PRUNE2: variants seen among roughly 807,000 people sequenced by gnomAD.
PRUNE2 encodes the protein protein prune homolog 2.
PRUNE2 carries 164 observed loss-of-function variants against 252.0 expected under a neutral mutation model. That is an observed-to-expected ratio of 0.65 (90% CI 0.57 to 0.74). The LOEUF (loss-of-function observed/expected upper bound fraction) is 0.74. Ranked by LOEUF, PRUNE2 falls within the 30% of genes least tolerant of loss-of-function variation. PRUNE2 has a pLI of 0.00. For missense variants in PRUNE2, 3,495 were observed against 3,711.0 expected, an observed-to-expected ratio of 0.94 and a Z score of 1.51; for synonymous variants, 1,292 against 1,350.2, an observed-to-expected ratio of 0.96 and a Z score of 0.94.
chr9:76,756,648 TC>T (rs1197272912), intron 6 of PRUNE2, among the ~76,000 whole-genome samples: 1 of 152,226 alleles, frequency 6.6e-6, no homozygotes, highest in African/African-American at 2.4e-5. Flanking sequence ...CCAGGAGGAT[TC>T]CCTGAGTCTG....
At position 76,642,007 on chromosome 9, in the gene PRUNE2, AAAAAAAAAAAG is replaced by A. The variant is rs781533902; in HGVS notation, c.8728+2721_8728+2731del. Reference sequence around the variant, plus strand: ...TATAATGAAATAAGAGAAGTAAAAAAAAAAAAAAAAGAAAAGAAAAAGAAAAGAAACTCCTT... The same window carrying A: ...TATAATGAAATAAGAGAAGTAAAAAAAAAAGAAAAAGAAAAGAAACTCCTT... On this transcript the variant is annotated intron_variant, in intron 12 of 18. Transcript: ENST00000376718. 6.4e-5 allele frequency: 88 copies of A among 1,380,140 alleles called. No homozygotes were observed. The African/African-American group carries it at 1.2e-3, about 19-fold the overall frequency. 85.5% of individuals were successfully genotyped at this position (1,380,140 alleles called of 1,614,324 possible).
chr9:76,792,115 A>T (rs1329331463), intron 6 of PRUNE2, among the ~76,000 whole-genome samples: 1 of 152,044 alleles, frequency 6.6e-6, no homozygotes, highest in Non-Finnish European at 1.5e-5. Flanking sequence ...CCCAAATCTC[A>T]TTTTGAATTA....
At chr9:76,730,064 T>A (rs1346041) in intron 6 of PRUNE2, among the ~76,000 whole-genome samples, 5,779 of 152,302 alleles carry the variant, frequency 0.038, 334 homozygotes, top group African/African-American at 0.13. Context: ...TTTCATCAGT[T>A]TATTCAAGAT....
chr9:76,813,857 C>T (rs1049508752), intron 6 of PRUNE2, among the ~76,000 whole-genome samples: 2 of 152,170 alleles, frequency 1.3e-5, no homozygotes, highest in African/African-American at 4.8e-5. Context: ...CTCTCTGTCA[C>T]CCAGGCTGGA....
At chr9:76,893,467 G>A (rs1468823345) in intron 1 of PRUNE2, among the ~76,000 whole-genome samples, 1 of 152,218 alleles carries the variant, frequency 6.6e-6, no homozygotes, top group Non-Finnish European at 1.5e-5. Flanking sequence ...TGTACCCAGG[G>A]TGACATGGTG....
At chr9:76,888,069 A>G (rs1348624040) in intron 1 of PRUNE2, among the ~76,000 whole-genome samples, 1 of 152,228 alleles carries the variant, frequency 6.6e-6, no homozygotes, top group East Asian at 1.9e-4. Context: ...GCATGAACCA[A>G]AAACACATCA....
chr9:76,771,279 C>T (rs514673), intron 6 of PRUNE2, among the ~76,000 whole-genome samples: 72,456 of 151,964 alleles, frequency 0.48, 17,683 homozygotes, highest in East Asian at 0.67. Context: ...CTATATCCCT[C>T]AATGGTCATC....
At chr9:76,693,385 A>C (rs958681931) in intron 9 of PRUNE2, among the ~76,000 whole-genome samples, 5 of 150,946 alleles carry the variant, frequency 3.3e-5, no homozygotes, top group Non-Finnish European at 7.4e-5. Flanking sequence ...GGGAAAGTGA[A>C]TTACTCAGCA....
At chr9:76,774,320 T>G (rs929909183) in intron 6 of PRUNE2, among the ~76,000 whole-genome samples, 28 of 152,014 alleles carry the variant, frequency 1.8e-4, no homozygotes, top group African/African-American at 5.3e-4. Context: ...TATTTTTTTG[T>G]AAAGATGGGG....
intron 12 of PRUNE2, among the ~76,000 whole-genome samples, chr9:76,639,398 G>A (rs1021544520): frequency 2.0e-5 from 3 of 152,186 alleles, no homozygotes; most frequent in African/African-American, 7.2e-5. Context: ...GGCTGAGGCA[G>A]GAGAATTGCT....
chr9:76,829,704 C>A (rs1429427342), intron 4 of PRUNE2, among the ~76,000 whole-genome samples: 3 of 151,840 alleles, frequency 2.0e-5, no homozygotes, highest in Non-Finnish European at 4.4e-5. Flanking sequence ...TTCCTGAGGA[C>A]CGAAATCCTG....
chr9:76,902,542 G>A (rs544731225), intron 1 of PRUNE2, among the ~76,000 whole-genome samples: 1 of 152,140 alleles, frequency 6.6e-6, no homozygotes, highest in Non-Finnish European at 1.5e-5. Flanking sequence ...CTTTGATTAC[G>A]ATCTCAAGCT....
intron 6 of PRUNE2, among the ~76,000 whole-genome samples, chr9:76,774,456 T>TTATTTATTTATTTATTTA (rs1554761633): frequency 5.2e-5 from 7 of 133,812 alleles, no homozygotes; most frequent in Non-Finnish European, 9.9e-5. Context: ...AACCCTTTTT[T>TTATTTATTTATTTATTTA]TTTTTTTTTT....
chr9:76,812,487 T>C (rs1239039884), intron 6 of PRUNE2, among the ~76,000 whole-genome samples: 1 of 152,168 alleles, frequency 6.6e-6, no homozygotes, highest in Non-Finnish European at 1.5e-5. Flanking sequence ...TTCTTGATTG[T>C]TAAATAAATC....
chr9:76,835,684 A>G (rs1589474908), intron 4 of PRUNE2, among the ~76,000 whole-genome samples: 1 of 152,264 alleles, frequency 6.6e-6, no homozygotes, highest in East Asian at 1.9e-4. Context: ...AGGCAATGTA[A>G]TTCCCTCTGG....
intron 9 of PRUNE2, among the ~76,000 whole-genome samples, chr9:76,694,732 T>C (rs1273144339): frequency 6.6e-6 from 1 of 151,120 alleles, no homozygotes; most frequent in Non-Finnish European, 1.5e-5. Context: ...GGAAATGCAT[T>C]ATTTTATTCA....
chr9:76,809,733 T>G (rs888057397), intron 6 of PRUNE2, among the ~76,000 whole-genome samples: 1 of 152,144 alleles, frequency 6.6e-6, no homozygotes, highest in Non-Finnish European at 1.5e-5. Context: ...ATGACCACTA[T>G]GCAATCTATG....
intron 11 of PRUNE2, 74 bp from the exon 12 acceptor site, chr9:76,644,983 A>T: frequency 7.3e-7 from 1 of 1,377,666 alleles, no homozygotes; most frequent in South Asian, 1.3e-5. Context: ...CCAAATGGTA[A>T]GCTTTACAAT....
chr9:76,778,924 C>T (rs889795287), intron 6 of PRUNE2: 1 of 152,214 alleles, frequency 6.6e-6, no homozygotes, highest in Non-Finnish European at 1.5e-5. Flanking sequence ...AAAGGAATCT[C>T]TGGTCCTGGG....
Sources: gnomAD v4.1 joint callset for allele counts (sites outside exome capture counted in the v4.1 genomes callset) on GRCh38, gnomAD v4.1.1 for gene constraint, MANE v1.5 for transcripts, NCBI Gene and HGNC (gene_info 2026-07-23, HGNC 2026-07-21) for gene names.